PLCB1: variants seen among roughly 807,000 people sequenced by gnomAD.
PLCB1 encodes phospholipase C beta 1.
Under a neutral mutation model 161.8 loss-of-function variants are expected in PLCB1, and 46 were observed. That is an observed-to-expected ratio of 0.28 (90% CI 0.22 to 0.36). The LOEUF is 0.36. Ranked by LOEUF, PLCB1 falls within the 10% of genes least tolerant of loss-of-function variation. The pLI is 1.00. For missense variants in PLCB1, 1,016 were observed against 1,472.5 expected (o/e 0.69, Z 5.07); for synonymous variants, 517 against 503.7 (o/e 1.03, Z -0.35).
chr20:8,754,334 G>A (rs1391233859), intron 23 of PLCB1, among the ~76,000 whole-genome samples: 2 of 148,356 alleles, frequency 1.3e-5, no homozygotes, highest in Non-Finnish European at 3.0e-5. Flanking sequence ...AAATAAACTT[G>A]TTGGATCCAG....
At chr20:8,414,737 T>C (rs1252664430) in intron 3 of PLCB1, among the ~76,000 whole-genome samples, 5 of 151,994 alleles carry the variant, frequency 3.3e-5, no homozygotes, top group Admixed American at 3.3e-4. Context: ...CTGTGGAGCA[T>C]TGGAAATGTG....
At chr20:8,178,218 TG>T (rs2051802991) in intron 2 of PLCB1, among the ~76,000 whole-genome samples, 1 of 152,198 alleles carries the variant, frequency 6.6e-6, no homozygotes, top group Non-Finnish European at 1.5e-5. Context: ...TATCCAATAA[TG>T]GGGTTGCTGG....
At chr20:8,693,400 A>T (rs1385730000) in intron 10 of PLCB1, among the ~76,000 whole-genome samples, 1 of 152,158 alleles carries the variant, frequency 6.6e-6, no homozygotes, top group Non-Finnish European at 1.5e-5. Flanking sequence ...GATACCATGT[A>T]ATTGAGAAAT....
intron 1 of PLCB1, among the ~76,000 whole-genome samples, chr20:8,135,391 G>A (rs2051335133): frequency 6.6e-6 from 1 of 152,212 alleles, no homozygotes; most frequent in South Asian, 2.1e-4. Flanking sequence ...TGGAATGGAA[G>A]ATGTCACCCA....
At chr20:8,325,808 G>C (rs998292498) in intron 2 of PLCB1, among the ~76,000 whole-genome samples, 1 of 152,128 alleles carries the variant, frequency 6.6e-6, no homozygotes, top group South Asian at 2.1e-4. Flanking sequence ...TGATGACAGG[G>C]TTAGGTGGAT....
chr20:8,304,224 T>C (rs1197211238), intron 2 of PLCB1, among the ~76,000 whole-genome samples: 1 of 152,162 alleles, frequency 6.6e-6, no homozygotes, highest in Admixed American at 6.5e-5. Context: ...GGCTTCATTA[T>C]TTATCATGTT....
intron 3 of PLCB1, among the ~76,000 whole-genome samples, chr20:8,614,619 TGTGTGTG>T (rs1987998939): frequency 6.6e-6 from 1 of 151,418 alleles, no homozygotes; most frequent in Admixed American, 6.6e-5. Flanking sequence ...TGTGTGTGTG[TGTGTGTG>T]TTTATGTAGA....
chr20:8,746,504 G>A (rs1981180561), intron 23 of PLCB1, among the ~76,000 whole-genome samples: 1 of 151,988 alleles, frequency 6.6e-6, no homozygotes, highest in Admixed American at 6.6e-5. Flanking sequence ...ACTATGTTGA[G>A]CCCTTTATTT....
intron 26 of PLCB1, among the ~76,000 whole-genome samples, chr20:8,768,695 G>C (rs1982507048): frequency 6.6e-6 from 1 of 152,146 alleles, no homozygotes; most frequent in African/African-American, 2.4e-5. Context: ...AACACACAAG[G>C]CCATAGTGAC....
chr20:8,133,307 C>T (rs999246938), intron 1 of PLCB1, among the ~76,000 whole-genome samples: 75 of 152,244 alleles, frequency 4.9e-4, no homozygotes, highest in African/African-American at 1.8e-3. Context: ...CAGCGCCTGG[C>T]TCCGGAGTGA....
intron 27 of PLCB1, among the ~76,000 whole-genome samples, chr20:8,780,254 A>G (rs1343204874): frequency 6.6e-6 from 1 of 152,116 alleles, no homozygotes; most frequent in Non-Finnish European, 1.5e-5. Context: ...CTCTACCATC[A>G]CATTCTACTA....
intron 2 of PLCB1, among the ~76,000 whole-genome samples, chr20:8,325,898 G>T (rs1334663515): frequency 6.6e-6 from 1 of 152,170 alleles, no homozygotes; most frequent in African/African-American, 2.4e-5. Context: ...AGCTCCAGAG[G>T]ACAACACCTT....
chr20:8,378,437 A>G (rs533139365), intron 3 of PLCB1, among the ~76,000 whole-genome samples: 2 of 152,374 alleles, frequency 1.3e-5, no homozygotes, highest in South Asian at 2.1e-4. Flanking sequence ...AGTCCATTAC[A>G]TGTACAATAG....
intron 3 of PLCB1, among the ~76,000 whole-genome samples, chr20:8,527,456 G>GT (rs1984627577): frequency 6.6e-6 from 1 of 152,108 alleles, no homozygotes; most frequent in Non-Finnish European, 1.5e-5. Flanking sequence ...TACACTGAAT[G>GT]TTTTACCATA....
rs6055757 is a variant in PLCB1, at chr20:8,338,882, T to C, written c.178-32500T>C. On this transcript the variant is annotated intron_variant, in intron 2 of 31. Transcript: ENST00000338037. ...CCAGCTTAGTTTACTGATAATTACC[T>C]TTCATTTAGGTGGAATCACATGGTG... Among the ~76,000 whole-genome samples the C allele has an allele frequency of 3.4e-3, 524 of 152,282 alleles. 3 individuals are homozygous for C. The highest frequency in any genetic ancestry group is 0.012 in the African/African-American group (486 of 41,558).
intron 2 of PLCB1, among the ~76,000 whole-genome samples, chr20:8,259,873 A>G (rs1215023007): frequency 6.6e-6 from 1 of 152,180 alleles, no homozygotes; most frequent in African/African-American, 2.4e-5. Context: ...GGTTTGGCAC[A>G]CAATCATTAC....
At chr20:8,836,080 C>T (rs752843967) in intron 31 of PLCB1, among the ~76,000 whole-genome samples, 8 of 151,956 alleles carry the variant, frequency 5.3e-5, no homozygotes, top group Non-Finnish European at 8.8e-5. Context: ...GCAGGAGTGA[C>T]GGGGCCCTGT....
intron 15 of PLCB1, 152 bp downstream of exon 15, chr20:8,722,573 A>G: frequency 2.0e-6 from 1 of 491,248 alleles, no homozygotes. Context: ...TAAATGGCTT[A>G]TGAAATGTTC....
At chr20:8,213,914 C>T (rs1978972665) in intron 2 of PLCB1, among the ~76,000 whole-genome samples, 1 of 151,978 alleles carries the variant, frequency 6.6e-6, no homozygotes. Flanking sequence ...CAAGGAAATA[C>T]AAATAACGTC....
Sources: allele counts gnomAD v4.1 joint callset (sites outside exome capture counted in the v4.1 genomes callset), GRCh38; gene constraint gnomAD v4.1.1; transcripts MANE v1.5; gene names NCBI Gene and HGNC (gene_info 2026-07-23, HGNC 2026-07-21).